Variants in TBL1X observed in about 807,000 individuals in gnomAD.
The protein encoded by TBL1X is F-box-like/WD repeat-containing protein TBL1X.
Under a neutral mutation model 50.7 loss-of-function variants are expected in TBL1X, and 10 were observed. The observed-to-expected ratio is 0.20, with a 90% CI of 0.12 to 0.33. The LOEUF is 0.33. TBL1X is among the 10% of genes least tolerant of loss of function. TBL1X has a pLI of 1.00. For missense variants in TBL1X, 340 were observed against 504.4 expected (o/e 0.67, Z 3.12); for synonymous variants, 190 against 214.7 (o/e 0.88, Z 1.01).
chrX:9,681,023 A>G (rs931326818), intron 5 of TBL1X, among the ~76,000 whole-genome samples: 2 of 112,426 alleles, frequency 1.8e-5, no homozygotes, highest in African/African-American at 3.2e-5. Flanking sequence ...TGTCCACACG[A>G]TCTAGAAATG....
chrX:9,480,757 A>AC (rs60470790), intron 1 of TBL1X, among the ~76,000 whole-genome samples: 2,748 of 46,725 alleles, frequency 0.059, 61 homozygotes, highest in South Asian at 0.095. Flanking sequence ...AAATTAAGCC[A>AC]CCCCCCCCCC....
At chrX:9,503,502 T>TGGCACC (rs1461595780) in intron 2 of TBL1X, among the ~76,000 whole-genome samples, 1 of 113,016 alleles carries the variant, frequency 8.8e-6, no homozygotes. Context: ...CAGCCAGCAC[T>TGGCACC]GGCAACTGCC....
intron 1 of TBL1X, among the ~76,000 whole-genome samples, chrX:9,493,878 C>T (rs1031517686): frequency 8.9e-6 from 1 of 111,990 alleles, no homozygotes; most frequent in East Asian, 2.8e-4. Context: ...CTCGTGGGAA[C>T]AGAAATGTTG....
chrX:9,469,977 A>G (rs1024061469), intron 1 of TBL1X, among the ~76,000 whole-genome samples: 3 of 112,810 alleles, frequency 2.7e-5, no homozygotes, highest in East Asian at 2.8e-4. Flanking sequence ...AGAACAGCAC[A>G]TTTTGCACTG....
rs771233785 is a variant in TBL1X at position 9,471,346 on chromosome X, C to T, written c.-201+5899C>T. On this transcript the variant is annotated intron_variant, in intron 1 of 17. Coordinates refer to ENST00000645353, the MANE Select transcript of TBL1X (RefSeq NM_005647.4). ...GTGAAGTCACAGAACCTGTGCATGT[C>T]CTACCGTGTAGAGTTAAAGGGCTGG... Among the ~76,000 whole-genome samples, 7 of 112,117 alleles carry T rather than the reference C, an allele frequency of 6.2e-5. No individual in the cohort carries two copies. In the South Asian group the frequency reaches 2.6e-3, roughly 41 times the overall value.
chrX:9,479,778 G>T (rs2081869648), intron 1 of TBL1X, among the ~76,000 whole-genome samples: 1 of 111,678 alleles, frequency 9.0e-6, no homozygotes, highest in African/African-American at 3.3e-5. Flanking sequence ...TGGCTAGGCT[G>T]GGAAGAATCA....
At chrX:9,547,344 G>A (rs1371726971) in intron 2 of TBL1X, among the ~76,000 whole-genome samples, 1 of 109,743 alleles carries the variant, frequency 9.1e-6, no homozygotes, top group African/African-American at 3.3e-5. Flanking sequence ...TTTTGAGACA[G>A]GGTCTCACTC....
intron 15 of TBL1X, among the ~76,000 whole-genome samples, chrX:9,710,723 T>A (rs1198200882): frequency 8.9e-6 from 1 of 112,174 alleles, no homozygotes; most frequent in Non-Finnish European, 1.9e-5. Flanking sequence ...TGGATGTGAT[T>A]GTATTTTAAT....
In TBL1X at chrX:9,550,761, C is replaced by T. The variant is rs1293179411; in HGVS notation, c.-131+48912C>T. 3.6e-5 allele frequency among the ~76,000 whole-genome samples: 4 copies of T among 112,334 alleles called. No homozygotes were observed. In the South Asian group the frequency reaches 1.5e-3, roughly 41 times the overall value. The stretch of plus-strand genomic sequence containing the variant: ...AAGGACTGCGTGTGCTTTAAATAAT[C>T]ACAGGCTGCTCTCAGACTTGGGAAC... On this transcript the variant is annotated intron_variant, in intron 2 of 17. Coordinates refer to ENST00000645353, the MANE Select transcript of TBL1X (RefSeq NM_005647.4).
chrX:9,686,927 G>A (rs1056275022), intron 6 of TBL1X, among the ~76,000 whole-genome samples: 2 of 112,386 alleles, frequency 1.8e-5, no homozygotes, highest in Non-Finnish European at 3.8e-5. Flanking sequence ...CTTTACATAG[G>A]TTGTATTGTT....
chrX:9,714,888 G>A lies in TBL1X; in HGVS notation c.1606-14G>A. On this transcript the variant is annotated splice_polypyrimidine_tract_variant and intron_variant, in intron 16 of 17. Transcript: ENST00000645353. ...GCCCCTTGCGTTGTAAGTGACAGCT[G>A]CTTTGCTTTGCAGAGTGGAAATCTT... The A allele has an allele frequency of 1.7e-6, 2 of 1,207,452 alleles. No individual in the cohort carries two copies. The highest frequency in any genetic ancestry group is 1.8e-5 in the South Asian group (1 of 56,111).
intron 2 of TBL1X, among the ~76,000 whole-genome samples, chrX:9,511,065 C>T (rs2082053379): frequency 8.9e-6 from 1 of 112,235 alleles, no homozygotes; most frequent in South Asian, 3.7e-4. Context: ...CTTGTAAGTA[C>T]AGGGATTGTG....
rs781199357 is a variant in TBL1X at position 9,572,913 on chromosome X, C to G, written c.-130-67360C>G. Among the ~76,000 whole-genome samples the G allele has an allele frequency of 8.9e-4, 100 of 112,454 alleles. 1 individual carries two copies. The highest frequency in any genetic ancestry group is 3.2e-3 in the African/African-American group (98 of 30,992). On this transcript the variant is annotated intron_variant, in intron 2 of 17. Transcript: ENST00000645353. ...AGGCAAGCGTGGAGCTTGATGTGAG[C>G]TCCTTGAAATAATGAAAAACCAGTT...
At chrX:9,670,669 A>G (rs2082955546) in intron 5 of TBL1X, among the ~76,000 whole-genome samples, 2 of 112,443 alleles carry the variant, frequency 1.8e-5, no homozygotes, top group Admixed American at 1.9e-4. Context: ...TGTAGACTCC[A>G]CTGTGTTTCC....
At chrX:9,524,354 CGTA>C (rs1319351505) in intron 2 of TBL1X, among the ~76,000 whole-genome samples, 1 of 111,927 alleles carries the variant, frequency 8.9e-6, no homozygotes, top group Non-Finnish European at 1.9e-5. Flanking sequence ...CCTTTTGTCT[CGTA>C]GTCCTGAAAC....
At chrX:9,675,230 A>G (rs2082986234) in intron 5 of TBL1X, among the ~76,000 whole-genome samples, 1 of 111,688 alleles carries the variant, frequency 9.0e-6, no homozygotes, top group South Asian at 3.8e-4. Context: ...TAAGAAGAGC[A>G]CTTCAAGAAA....
chrX:9,692,781 T>TGTGTA (rs1262744504), intron 9 of TBL1X, among the ~76,000 whole-genome samples: 3 of 112,429 alleles, frequency 2.7e-5, no homozygotes, highest in Non-Finnish European at 5.6e-5. Flanking sequence ...TAGCCGTATC[T>TGTGTA]TTGCACGTGA....
At chrX:9,607,639 G>T (rs1316581745) in intron 2 of TBL1X, among the ~76,000 whole-genome samples, 2 of 112,759 alleles carry the variant, frequency 1.8e-5, no homozygotes, top group African/African-American at 6.4e-5. Flanking sequence ...CCCACTTCTT[G>T]CTTTAATTCT....
chrX:9,598,862 A>T (rs1322150468), intron 2 of TBL1X, among the ~76,000 whole-genome samples: 3 of 108,778 alleles, frequency 2.8e-5, no homozygotes, highest in Non-Finnish European at 5.7e-5. Flanking sequence ...CTCTGCCTTC[A>T]TTTGCACATG....
Sources: allele counts gnomAD v4.1 joint callset (sites outside exome capture counted in the v4.1 genomes callset), GRCh38; gene constraint gnomAD v4.1.1; transcripts MANE v1.5; gene names NCBI Gene and HGNC (gene_info 2026-07-23, HGNC 2026-07-21).